The following HOMER1 variants were observed in gnomAD, a reference collection of about 807,000 sequenced individuals.
The protein encoded by HOMER1 is homer protein homolog 1.
HOMER1 carries 3 observed loss-of-function variants against 48.9 expected under a neutral mutation model. That is an observed-to-expected ratio of 0.06 (90% CI 0.03 to 0.16). The LOEUF (loss-of-function observed/expected upper bound fraction) is 0.16. HOMER1 is among the 10% of genes least tolerant of loss of function. The pLI is 1.00. For missense variants in HOMER1, 247 were observed against 411.4 expected (o/e 0.60, Z 3.46); for synonymous variants, 134 against 146.4 (o/e 0.92, Z 0.61).
chr5:79,456,011 C>T (rs1353993882), intron 2 of HOMER1, among the ~76,000 whole-genome samples: 4 of 151,996 alleles, frequency 2.6e-5, no homozygotes, highest in Non-Finnish European at 5.9e-5. Flanking sequence ...AAAAATTATC[C>T]AGGCATGGAG....
chr5:79,466,364 G>A (rs1040850603), intron 1 of HOMER1, among the ~76,000 whole-genome samples: 23 of 151,988 alleles, frequency 1.5e-4, no homozygotes, highest in African/African-American at 2.9e-4. Flanking sequence ...AAAATTAGCC[G>A]GGCATGGTGG....
chr5:79,386,529 G>A (rs1020768499), intron 8 of HOMER1, among the ~76,000 whole-genome samples: 1 of 152,176 alleles, frequency 6.6e-6, no homozygotes, highest in Non-Finnish European at 1.5e-5. Context: ...CAGTTAGATA[G>A]AAGAAGTAAG....
intron 1 of HOMER1, among the ~76,000 whole-genome samples, chr5:79,501,083 A>G (rs1277648287): frequency 6.6e-6 from 1 of 151,390 alleles, no homozygotes; most frequent in Non-Finnish European, 1.5e-5. Flanking sequence ...CCATCCTCCC[A>G]CCTTGGCCTC....
chr5:79,435,695 G>A (rs1422310222), intron 5 of HOMER1, among the ~76,000 whole-genome samples: 1 of 149,200 alleles, frequency 6.7e-6, no homozygotes, highest in African/African-American at 2.5e-5. Context: ...GCAGGGTGTG[G>A]TGGCGGGCGC....
At chr5:79,401,779 ATCTATGT>A in intron 6 of HOMER1, 113 bp downstream of exon 6, 1 of 919,758 alleles carries the variant, frequency 1.1e-6, no homozygotes, top group Non-Finnish European at 1.7e-6. Flanking sequence ...TACAACCCAT[ATCTATGT>A]TCTGACATCC....
At chr5:79,506,254 A>C (rs1451980945) in intron 1 of HOMER1, among the ~76,000 whole-genome samples, 1 of 152,136 alleles carries the variant, frequency 6.6e-6, no homozygotes, top group Non-Finnish European at 1.5e-5. Flanking sequence ...TAAAAAATCC[A>C]AGTAGAAGAA....
Position 79,512,830 on chromosome 5 carries a change from C to T in HOMER1, c.-56G>A. ...CAGCTCTTATGCTACGGAATAACTTCCAAAGGAATTTCTCCGTCTGCTATT... is the reference window on the plus strand; with the variant it reads ...CAGCTCTTATGCTACGGAATAACTTTCAAAGGAATTTCTCCGTCTGCTATT... On this transcript the variant is annotated 5_prime_UTR_variant, in exon 1 of 9. Transcript: ENST00000334082. The T allele has an allele frequency of 1.3e-6, 2 of 1,589,174 alleles. No individual in the cohort carries two copies. The highest frequency in any genetic ancestry group is 1.7e-6 in the Non-Finnish European group (2 of 1,157,838).
At chr5:79,454,189 C>G (rs1218693968) in intron 2 of HOMER1, among the ~76,000 whole-genome samples, 1 of 152,158 alleles carries the variant, frequency 6.6e-6, no homozygotes, top group Non-Finnish European at 1.5e-5. Context: ...TTTAAAATAA[C>G]TCAAAGTATT....
intron 1 of HOMER1, among the ~76,000 whole-genome samples, chr5:79,482,816 C>A (rs370741836): frequency 8.6e-5 from 13 of 151,026 alleles, no homozygotes; most frequent in Admixed American, 5.9e-4. Context: ...GGCAACATGG[C>A]AAGACCCTGT....
At chr5:79,484,560 T>C (rs1415788360) in intron 1 of HOMER1, among the ~76,000 whole-genome samples, 3 of 151,612 alleles carry the variant, frequency 2.0e-5, no homozygotes, top group Non-Finnish European at 4.4e-5. Context: ...AGAAAATAAA[T>C]TAAAAAAATA....
chr5:79,400,295 A>G (rs1020472720), intron 6 of HOMER1, among the ~76,000 whole-genome samples: 2 of 152,004 alleles, frequency 1.3e-5, no homozygotes, highest in Non-Finnish European at 2.9e-5. Flanking sequence ...ACAGGATAGA[A>G]TAACATTTAC....
At chr5:79,410,906 G>A (rs1749799015) in intron 5 of HOMER1, among the ~76,000 whole-genome samples, 1 of 152,118 alleles carries the variant, frequency 6.6e-6, no homozygotes, top group Non-Finnish European at 1.5e-5. Context: ...TACAGTTTTG[G>A]TAGTTTTACC....
Position 79,443,486 on chromosome 5 carries a change from C to T in HOMER1, c.387+3567G>A, listed in dbSNP as rs142566668. The stretch of plus-strand genomic sequence containing the variant: ...AGGGAATTCTGATGCAGAATTCTGA[C>T]GCATAGTATTTTTCAAATACATATT... On this transcript the variant is annotated intron_variant, in intron 4 of 8. Coordinates refer to ENST00000334082, the MANE Select transcript of HOMER1 (RefSeq NM_004272.5). 6.6e-5 allele frequency among the ~76,000 whole-genome samples: 10 copies of T among 152,134 alleles called. No homozygotes were observed. In the South Asian group the frequency reaches 1.2e-3, roughly 19 times the overall value.
At chr5:79,421,453 AAT>A (rs1360277412) in intron 5 of HOMER1, among the ~76,000 whole-genome samples, 1 of 152,222 alleles carries the variant, frequency 6.6e-6, no homozygotes, top group Non-Finnish European at 1.5e-5. Context: ...GCAAAGAAAT[AAT>A]ATAACATATA....
At chr5:79,441,344 G>A (rs1043343566) in intron 4 of HOMER1, among the ~76,000 whole-genome samples, 1 of 151,998 alleles carries the variant, frequency 6.6e-6, no homozygotes, top group Non-Finnish European at 1.5e-5. Flanking sequence ...CATCTTCTGG[G>A]ATAAATGCTC....
At chr5:79,507,954 C>T (rs1752824226) in intron 1 of HOMER1, among the ~76,000 whole-genome samples, 1 of 152,100 alleles carries the variant, frequency 6.6e-6, no homozygotes, top group Admixed American at 6.5e-5. Context: ...TGAAAAAGCC[C>T]CGTTCAGCCA....
intron 5 of HOMER1, among the ~76,000 whole-genome samples, chr5:79,407,772 C>T (rs1749705391): frequency 6.6e-6 from 1 of 152,032 alleles, no homozygotes; most frequent in Admixed American, 6.6e-5. Flanking sequence ...GACATAAAGG[C>T]TGAGTATTTT....
chr5:79,421,825 C>T (rs1216181229), intron 5 of HOMER1, among the ~76,000 whole-genome samples: 1 of 152,074 alleles, frequency 6.6e-6, no homozygotes, highest in Non-Finnish European at 1.5e-5. Flanking sequence ...CCACACTGGT[C>T]TCAAACTCCT....
intron 1 of HOMER1, among the ~76,000 whole-genome samples, chr5:79,500,961 C>A (rs1294604396): frequency 3.1e-5 from 2 of 63,792 alleles, no homozygotes; most frequent in African/African-American, 1.3e-4. Context: ...GTGAGACAGA[C>A]AGACACACAC....
Sources: gnomAD v4.1 joint callset for allele counts (sites outside exome capture counted in the v4.1 genomes callset) on GRCh38, gnomAD v4.1.1 for gene constraint, MANE v1.5 for transcripts, NCBI Gene and HGNC (gene_info 2026-07-23, HGNC 2026-07-21) for gene names.